ADARB2: variants seen among roughly 807,000 people sequenced by gnomAD.
ADARB2 encodes adenosine deaminase RNA specific B2 (inactive).
ADARB2 carries 25 observed loss-of-function variants against 62.2 expected under a neutral mutation model. The ratio of observed to expected loss-of-function variants is 0.40; its 90% CI spans 0.29 to 0.56. The LOEUF (loss-of-function observed/expected upper bound fraction) is 0.56. ADARB2 is among the 20% of genes least tolerant of loss of function. ADARB2 has a pLI of 0.43. For missense variants in ADARB2, 1,071 were observed against 1,077.4 expected (o/e 0.99, Z 0.08); for synonymous variants, 572 against 500.8 (o/e 1.14, Z -1.90).
In ADARB2 at chr10:1,398,615, G is replaced by A. The variant is rs1299761187; in HGVS notation, c.101-19455C>T. ...GACAACTCAAAAACGTGTATTTGCC[G>A]TTTCTTTCTTTGAGAAATCTGTAAT... On this transcript the variant is annotated intron_variant, in intron 1 of 9. Transcript: ENST00000381312. This position sits in a 1 kb window ranked among gnomAD's most constrained non-coding sequence, Gnocchi z 4.1. Among the ~76,000 whole-genome samples, 3 of 152,172 alleles carry A rather than the reference G, an allele frequency of 2.0e-5. No individual in the cohort carries two copies. The highest frequency in any genetic ancestry group is 4.8e-5 in the African/African-American group (2 of 41,452).
At chr10:1,720,013 A>T (rs564356862) in intron 1 of ADARB2, among the ~76,000 whole-genome samples, 1 of 152,374 alleles carries the variant, frequency 6.6e-6, no homozygotes, top group East Asian at 1.9e-4. Context: ...CAGCAGTCAC[A>T]TTCCTGGGGG....
chr10:1,472,332 C>A (rs1340874618), intron 1 of ADARB2, among the ~76,000 whole-genome samples: 1 of 152,162 alleles, frequency 6.6e-6, no homozygotes, highest in East Asian at 1.9e-4. Flanking sequence ...CCATGCGGCT[C>A]AGGGGTCAGC....
intron 1 of ADARB2, among the ~76,000 whole-genome samples, chr10:1,430,599 G>A (rs1830768186): frequency 6.6e-6 from 1 of 152,192 alleles, no homozygotes; most frequent in Admixed American, 6.5e-5. Context: ...CAGTAGCCAG[G>A]TGTGGCGGCA....
chr10:1,450,001 G>T (rs920011018), intron 1 of ADARB2, among the ~76,000 whole-genome samples: 2 of 152,222 alleles, frequency 1.3e-5, no homozygotes, highest in African/African-American at 4.8e-5. Context: ...TGGCTGCAAG[G>T]AGGCCGTGGC....
In ADARB2 at chr10:1,422,357, C is replaced by T. The variant is rs78973609; in HGVS notation, c.101-43197G>A. Among the ~76,000 whole-genome samples, 1,258 of 152,202 alleles carry T rather than the reference C, an allele frequency of 8.3e-3. 17 individuals carry two copies. Among genetic ancestry groups the T allele is most frequent in the African/African-American group, 0.028 (1,164 of 41,520 alleles). On this transcript the variant is annotated intron_variant, in intron 1 of 9. Transcript: ENST00000381312. ...GCTGTCCGAGGGTGGAATAAGGACT[C>T]GGGAGTGAGAGGGAGGCACTGTCAA... is the stretch of plus-strand genomic sequence containing the variant.
intron 1 of ADARB2, among the ~76,000 whole-genome samples, chr10:1,678,546 C>A (rs17294061): frequency 6.6e-6 from 1 of 151,896 alleles, no homozygotes; most frequent in Non-Finnish European, 1.5e-5. Flanking sequence ...CTTTTCAAGT[C>A]GCTTTTTATC....
intron 3 of ADARB2, among the ~76,000 whole-genome samples, chr10:1,344,711 A>G (rs1419416707): frequency 6.6e-6 from 1 of 152,164 alleles, no homozygotes; most frequent in African/African-American, 2.4e-5. Context: ...AGCCGTGGAC[A>G]TGGCTGTGAC....
At chr10:1,435,637 G>C (rs2805549) in intron 1 of ADARB2, among the ~76,000 whole-genome samples, 9 of 150,008 alleles carry the variant, frequency 6.0e-5, no homozygotes, top group Non-Finnish European at 1.3e-4. Context: ...CACTTCCTGG[G>C]CGAGACTTCA....
Position 1,177,382 on chromosome 10 carries a change from T to A in ADARB2, c.*5811A>T, listed in dbSNP as rs1836601882. On this transcript the variant is annotated 3_prime_UTR_variant, in exon 10 of 10. Transcript: ENST00000381312. Reference sequence around the variant, plus strand: ...CTTATTAGATATCACTGAAGTGCAATTTATAGAACTTAGAGGCAAATTAAC... The same window carrying A: ...CTTATTAGATATCACTGAAGTGCAAATTATAGAACTTAGAGGCAAATTAAC... 1 of 149,760 alleles carries A rather than the reference T, an allele frequency of 6.7e-6. No individual in the cohort carries two copies. The highest frequency in any genetic ancestry group is 2.5e-5 in the African/African-American group (1 of 40,004). 9.3% of individuals were successfully genotyped at this position (149,760 alleles called of 1,614,324 possible).
chr10:1,279,687 G>GT (rs1564245013), intron 3 of ADARB2, among the ~76,000 whole-genome samples: 1 of 152,198 alleles, frequency 6.6e-6, no homozygotes, highest in African/African-American at 2.4e-5. Flanking sequence ...TCATTTTGCC[G>GT]TAAGTACTTC....
intron 1 of ADARB2, among the ~76,000 whole-genome samples, chr10:1,699,139 T>A (rs185703197): frequency 1.3e-5 from 2 of 152,352 alleles, no homozygotes; most frequent in East Asian, 3.9e-4. Flanking sequence ...TAAAGATGCA[T>A]CCACTGCCAG....
chr10:1,185,127 G>A (rs1160956357), intron 8 of ADARB2, 88 bp from the exon 9 acceptor site: 2 of 1,448,034 alleles, frequency 1.4e-6, no homozygotes, highest in African/African-American at 1.4e-5. Flanking sequence ...AATGGAGCCT[G>A]TATGTGAGTG....
chr10:1,245,029 G>T (rs974768108), intron 4 of ADARB2, among the ~76,000 whole-genome samples: 3 of 152,198 alleles, frequency 2.0e-5, no homozygotes, highest in Non-Finnish European at 4.4e-5. Flanking sequence ...CTGTGAAAGG[G>T]TTTTCCGGAA....
intron 1 of ADARB2, among the ~76,000 whole-genome samples, chr10:1,662,080 A>G (rs995917674): frequency 1.3e-5 from 2 of 152,132 alleles, no homozygotes; most frequent in South Asian, 2.1e-4. Flanking sequence ...CAGACATGTT[A>G]CTTTTCAGCG....
intron 1 of ADARB2, among the ~76,000 whole-genome samples, chr10:1,702,478 G>A (rs1413989024): frequency 1.3e-5 from 2 of 152,188 alleles, no homozygotes; most frequent in Non-Finnish European, 2.9e-5. Context: ...CACCTGGGCA[G>A]GTAGGGAATC....
chr10:1,186,720 C>T (rs915219385), intron 8 of ADARB2, among the ~76,000 whole-genome samples: 1 of 152,214 alleles, frequency 6.6e-6, no homozygotes, highest in African/African-American at 2.4e-5. Context: ...CAGGGCATTG[C>T]ATATAGGCCA....
chr10:1,410,436 T>G (rs971656978), intron 1 of ADARB2, among the ~76,000 whole-genome samples: 3 of 152,196 alleles, frequency 2.0e-5, no homozygotes, highest in African/African-American at 7.2e-5. Flanking sequence ...CTTCTCAGGC[T>G]GAGATAATGT....
chr10:1,473,478 C>G (rs1008714467), intron 1 of ADARB2, among the ~76,000 whole-genome samples: 3 of 152,030 alleles, frequency 2.0e-5, no homozygotes, highest in Non-Finnish European at 4.4e-5. Flanking sequence ...TTCCCGGGCT[C>G]AAGGGATTCT....
chr10:1,271,843 TTGGC>T (rs1831266463), intron 3 of ADARB2, among the ~76,000 whole-genome samples: 1 of 152,230 alleles, frequency 6.6e-6, no homozygotes, highest in Non-Finnish European at 1.5e-5. Context: ...CGGGGGCAGT[TTGGC>T]TGGCATAGCC....
Sources: gnomAD v4.1 joint callset for allele counts (sites outside exome capture counted in the v4.1 genomes callset) on GRCh38, gnomAD v4.1.1 for gene constraint, Gnocchi (gnomAD v3.1) non-coding constraint, MANE v1.5 for transcripts, NCBI Gene and HGNC (gene_info 2026-07-23, HGNC 2026-07-21) for gene names.